The following TP63 variants were observed in gnomAD, a reference collection of about 807,000 sequenced individuals.
TP63 encodes the protein tumor protein 63.
In TP63, 17 loss-of-function variants were observed where a neutral mutation model predicts 82.8. The ratio of observed to expected loss-of-function variants is 0.21; its 90% CI spans 0.14 to 0.31. TP63 has a LOEUF of 0.31. Ranked by LOEUF, TP63 falls within the 10% of genes least tolerant of loss-of-function variation. The pLI is 1.00. For missense variants in TP63, 648 were observed against 895.3 expected, an observed-to-expected ratio of 0.72 and a Z score of 3.52; for synonymous variants, 330 against 321.7, an observed-to-expected ratio of 1.03 and a Z score of -0.28.
At chr3:189,645,804 C>G (rs990828354) in intron 1 of TP63, among the ~76,000 whole-genome samples, 1 of 146,810 alleles carries the variant, frequency 6.8e-6, no homozygotes, top group African/African-American at 2.6e-5. Flanking sequence ...TGGTTTCCAG[C>G]TTCATCCATG....
intron 3 of TP63, among the ~76,000 whole-genome samples, chr3:189,773,595 G>T (rs1723536975): frequency 6.6e-6 from 1 of 152,138 alleles, no homozygotes; most frequent in East Asian, 1.9e-4. Flanking sequence ...AATAGTGGCT[G>T]CCACATTATT....
chr3:189,832,797 A>G (rs968740905), intron 4 of TP63, among the ~76,000 whole-genome samples: 2 of 152,228 alleles, frequency 1.3e-5, no homozygotes, highest in African/African-American at 2.4e-5. Flanking sequence ...TCACAGATGC[A>G]GAGTTATGTG....
intron 10 of TP63, among the ~76,000 whole-genome samples, chr3:189,874,075 G>T (rs901054342): frequency 3.3e-5 from 5 of 151,764 alleles, no homozygotes; most frequent in African/African-American, 1.2e-4. Context: ...GAGGGCTTAT[G>T]ATTATTATTA....
chr3:189,664,054 A>G (rs1436013154), intron 1 of TP63, among the ~76,000 whole-genome samples: 1 of 152,136 alleles, frequency 6.6e-6, no homozygotes, highest in African/African-American at 2.4e-5. Context: ...GAAAAAGTAC[A>G]TTACTTATCC....
At chr3:189,872,158 T>C (rs1291620571) in intron 9 of TP63, among the ~76,000 whole-genome samples, 3 of 152,326 alleles carry the variant, frequency 2.0e-5, no homozygotes, top group African/African-American at 7.2e-5. Context: ...GTAGTTTAGT[T>C]TTATGAAGGT....
intron 1 of TP63, among the ~76,000 whole-genome samples, chr3:189,657,653 G>GGAGA (rs1488895577): frequency 6.6e-6 from 1 of 152,060 alleles, no homozygotes; most frequent in African/African-American, 2.4e-5. Context: ...TATTGGAGTA[G>GGAGA]GAGATTACAA....
chr3:189,816,154 G>A (rs1206795158), intron 4 of TP63, among the ~76,000 whole-genome samples: 1 of 152,164 alleles, frequency 6.6e-6, no homozygotes, highest in Non-Finnish European at 1.5e-5. Context: ...CTAACAGATA[G>A]CTTACTTTTA....
At chr3:189,775,282 T>C (rs1320058688) in intron 3 of TP63, among the ~76,000 whole-genome samples, 3 of 148,798 alleles carry the variant, frequency 2.0e-5, no homozygotes, top group Admixed American at 2.0e-4. Context: ...AAACTACATA[T>C]AAAGAAGTCA....
At chr3:189,664,375 T>C (rs1213231988) in intron 1 of TP63, among the ~76,000 whole-genome samples, 1 of 152,144 alleles carries the variant, frequency 6.6e-6, no homozygotes, top group East Asian at 1.9e-4. Flanking sequence ...TTCAAAAACA[T>C]TCAAAATGAC....
chr3:189,858,640 A>G (rs963603813), intron 4 of TP63, among the ~76,000 whole-genome samples: 5 of 152,122 alleles, frequency 3.3e-5, no homozygotes, highest in African/African-American at 9.7e-5. Flanking sequence ...TTAGCTGGGC[A>G]TAGTAGTGCG....
intron 4 of TP63, among the ~76,000 whole-genome samples, chr3:189,843,981 T>A (rs368109936): frequency 6.6e-5 from 10 of 152,066 alleles, no homozygotes; most frequent in East Asian, 5.8e-4. Context: ...GATATTAGTG[T>A]TTTCAATCTA....
the TP63 span, among the ~76,000 whole-genome samples, chr3:189,599,759 A>G: frequency 3.9e-5 from 6 of 152,212 alleles, no homozygotes; most frequent in Admixed American, 3.9e-4. Flanking sequence ...GAACACCCTC[A>G]TATCAGTTTC....
chr3:189,615,618 A>G, the TP63 span, among the ~76,000 whole-genome samples: 1 of 152,104 alleles, frequency 6.6e-6, no homozygotes, highest in South Asian at 2.1e-4. Flanking sequence ...CCACTCCCAT[A>G]TGTCCATATA....
intron 3 of TP63, among the ~76,000 whole-genome samples, chr3:189,753,280 C>G (rs760524117): frequency 6.6e-6 from 1 of 152,028 alleles, no homozygotes; most frequent in Non-Finnish European, 1.5e-5. Flanking sequence ...GTCTTTCTCT[C>G]CTATCAAATA....
At chr3:189,703,030 G>A (rs1267327925) in intron 1 of TP63, among the ~76,000 whole-genome samples, 4 of 152,156 alleles carry the variant, frequency 2.6e-5, no homozygotes, top group Non-Finnish European at 5.9e-5. Flanking sequence ...TTTCCATTTT[G>A]CAGATCAGAA....
At chr3:189,680,780 A>G (rs570870973) in intron 1 of TP63, among the ~76,000 whole-genome samples, 7 of 152,080 alleles carry the variant, frequency 4.6e-5, no homozygotes, top group South Asian at 2.1e-4. Flanking sequence ...GCCTGTGTCT[A>G]TGGAGGCTGT....
intron 10 of TP63, among the ~76,000 whole-genome samples, chr3:189,879,328 GT>G (rs1018735733): frequency 5.3e-5 from 8 of 152,160 alleles, no homozygotes; most frequent in Non-Finnish European, 1.0e-4. Flanking sequence ...AAATAAAAGG[GT>G]TTATTTCTGG....
intron 3 of TP63, among the ~76,000 whole-genome samples, chr3:189,773,723 CT>C (rs965013149): frequency 1.1e-4 from 17 of 151,076 alleles, no homozygotes; most frequent in Middle Eastern, 3.4e-3. Flanking sequence ...CCATCAATGG[CT>C]TTTTTTTTCT....
intron 3 of TP63, among the ~76,000 whole-genome samples, chr3:189,807,019 C>A (rs1440984130): frequency 6.6e-6 from 1 of 152,210 alleles, no homozygotes; most frequent in East Asian, 1.9e-4. Flanking sequence ...AACTGAAGAG[C>A]TAGGCCTATT....
Sources: allele counts gnomAD v4.1 joint callset (sites outside exome capture counted in the v4.1 genomes callset), GRCh38; gene constraint gnomAD v4.1.1; transcripts MANE v1.5; gene names NCBI Gene and HGNC (gene_info 2026-07-23, HGNC 2026-07-21).